LPGAT1: variants seen among roughly 807,000 people sequenced by gnomAD.
The protein encoded by LPGAT1 is lysophosphatidylglycerol acyltransferase 1, also known as acyl-CoA:lysophosphatidylglycerol acyltransferase 1.
In LPGAT1, 11 loss-of-function variants were observed where a neutral mutation model predicts 47.5. That is an observed-to-expected ratio of 0.23 (90% CI 0.15 to 0.38). The LOEUF is 0.38. Ranked by LOEUF, LPGAT1 falls within the 10% of genes least tolerant of loss-of-function variation. The pLI is 1.00. For missense variants in LPGAT1, 293 were observed against 439.0 expected (o/e 0.67, Z 2.97); for synonymous variants, 138 against 144.2 (o/e 0.96, Z 0.31).
At chr1:211,799,961 C>T (rs1305863764) in intron 2 of LPGAT1, among the ~76,000 whole-genome samples, 1 of 152,134 alleles carries the variant, frequency 6.6e-6, no homozygotes, top group Non-Finnish European at 1.5e-5. Context: ...TTCAATCCAT[C>T]TCTAAGTCCA....
intron 4 of LPGAT1, among the ~76,000 whole-genome samples, chr1:211,784,532 T>C (rs1658776804): frequency 6.6e-6 from 1 of 151,340 alleles, no homozygotes; most frequent in Non-Finnish European, 1.5e-5. Context: ...AATCTGCTGG[T>C]TCCTGTGACC....
chr1:211,825,689 G>C (rs1228089036), intron 2 of LPGAT1, among the ~76,000 whole-genome samples: 2 of 152,208 alleles, frequency 1.3e-5, no homozygotes, highest in African/African-American at 4.8e-5. Flanking sequence ...GGCCAGGGGC[G>C]ATGGCTCACG....
At chr1:211,798,348 C>T (rs1223280875) in intron 2 of LPGAT1, among the ~76,000 whole-genome samples, 1 of 152,048 alleles carries the variant, frequency 6.6e-6, no homozygotes, top group Admixed American at 6.6e-5. Flanking sequence ...ACTAAAAGAG[C>T]CCTATGCCTA....
At chr1:211,778,146 T>C (rs1658485491) in intron 6 of LPGAT1, among the ~76,000 whole-genome samples, 1 of 152,012 alleles carries the variant, frequency 6.6e-6, no homozygotes. Flanking sequence ...ATCGAGACCA[T>C]CCTGGCGAAC....
chr1:211,783,758 A>G (rs149879682), intron 4 of LPGAT1, among the ~76,000 whole-genome samples: 1 of 152,208 alleles, frequency 6.6e-6, no homozygotes, highest in Non-Finnish European at 1.5e-5. Flanking sequence ...GCAGTCATTC[A>G]TCAATTCAGT....
At chr1:211,754,301 G>A (rs1558253059) in intron 6 of LPGAT1, among the ~76,000 whole-genome samples, 1 of 152,326 alleles carries the variant, frequency 6.6e-6, no homozygotes, top group African/African-American at 2.4e-5. Context: ...TTCCACAGGT[G>A]CTGATGCTGC....
chr1:211,793,017 T>A, intron 3 of LPGAT1, 55 bp downstream of exon 3: 1 of 1,254,772 alleles, frequency 8.0e-7, no homozygotes. Context: ...GCCAAATGGA[T>A]TCCTTTTTAA....
At position 211,830,166 on chromosome 1, in the gene LPGAT1, CCG is replaced by C. The variant is rs1660682161; in HGVS notation, c.-28+405_-28+406del. 1.0e-6 allele frequency: 1 copy of C among 983,014 alleles called. No individual in the cohort carries two copies. Among genetic ancestry groups the C allele is most frequent in the African/African-American group, 1.8e-5 (1 of 56,922 alleles). The allele number at this position is 983,014 out of a possible 1,614,324, so 60.9% of individuals were successfully genotyped here. On this transcript the variant is annotated intron_variant, in intron 1 of 7. Transcript: ENST00000366997. The surrounding 1 kb of genome is among the most constrained non-coding windows in gnomAD (Gnocchi z 5.9). ...GAAGGGTCGTGGCGGCGGGCGCGGC[CCG>C]CGCGCCGGGCTCACCTCGGCGGGCG...
At chr1:211,820,539 C>CAAAAA (rs11371645) in intron 2 of LPGAT1, among the ~76,000 whole-genome samples, 1 of 124,524 alleles carries the variant, frequency 8.0e-6, no homozygotes, top group Non-Finnish European at 1.6e-5. Context: ...TAGAACTAAA[C>CAAAAA]AAAAAAAAAA....
intron 2 of LPGAT1, among the ~76,000 whole-genome samples, chr1:211,801,206 C>G (rs921179112): frequency 2.8e-4 from 42 of 152,294 alleles, no homozygotes; most frequent in African/African-American, 8.7e-4. Context: ...AAGTTACCCT[C>G]CTGATACTAG....
intron 3 of LPGAT1, among the ~76,000 whole-genome samples, chr1:211,788,485 C>T (rs924861183): frequency 3.3e-5 from 5 of 151,996 alleles, no homozygotes; most frequent in African/African-American, 1.2e-4. Context: ...GAGTTTAAGA[C>T]CAGCCTGGCC....
intron 2 of LPGAT1, among the ~76,000 whole-genome samples, chr1:211,828,325 T>C (rs777777705): frequency 2.0e-5 from 3 of 152,202 alleles, no homozygotes; most frequent in South Asian, 4.1e-4. Context: ...AGCAAGGGCA[T>C]AAGTTCTCAA....
At chr1:211,814,264 C>G (rs973658238) in intron 2 of LPGAT1, among the ~76,000 whole-genome samples, 2 of 152,144 alleles carry the variant, frequency 1.3e-5, no homozygotes, top group African/African-American at 4.8e-5. Context: ...AGTTAGGAAC[C>G]ACAACTACAG....
Position 211,744,440 on chromosome 1 carries a change from G to C in LPGAT1, c.*5459C>G, listed in dbSNP as rs997214831. On this transcript the variant is annotated 3_prime_UTR_variant, in exon 8 of 8. Coordinates refer to ENST00000366997, the MANE Select transcript of LPGAT1 (RefSeq NM_014873.3). ...TTAACAGTAGATCACGTATCAGATT[G>C]AATGATAATAAATTTATTGGGAAAT... is the stretch of plus-strand genomic sequence containing the variant. 8 of 152,146 alleles carry C rather than the reference G, an allele frequency of 5.3e-5. No individual in the cohort carries two copies. Among genetic ancestry groups the C allele is most frequent in the Admixed American group, 2.6e-4 (4 of 15,288 alleles). The allele number at this position is 152,146 out of a possible 1,614,324, so 9.4% of individuals were successfully genotyped here.
intron 2 of LPGAT1, among the ~76,000 whole-genome samples, chr1:211,819,586 C>A (rs1168692801): frequency 4.6e-5 from 7 of 152,158 alleles, no homozygotes; most frequent in Non-Finnish European, 1.0e-4. Context: ...GGCATACAAT[C>A]TATGCTGGGG....
intron 2 of LPGAT1, among the ~76,000 whole-genome samples, chr1:211,819,631 T>C (rs1660297084): frequency 6.6e-6 from 1 of 152,124 alleles, no homozygotes; most frequent in African/African-American, 2.4e-5. Context: ...CAGTGTGGCA[T>C]GTGATGAAGA....
chr1:211,771,094 A>G (rs1349197139), intron 6 of LPGAT1, among the ~76,000 whole-genome samples: 2 of 146,802 alleles, frequency 1.4e-5, no homozygotes, highest in Non-Finnish European at 3.0e-5. Flanking sequence ...GAGAGACACT[A>G]TCTCAAAAAA....
Position 211,794,153 on chromosome 1 carries a change from A to G in LPGAT1, c.239-963T>C, listed in dbSNP as rs564200908. On this transcript the variant is annotated intron_variant, in intron 2 of 7. Coordinates refer to ENST00000366997, the MANE Select transcript of LPGAT1 (RefSeq NM_014873.3). Reference sequence around the variant, plus strand: ...AGAAAACATTCAGACATAATAATGCATACTTTCACCTTAAAATAATAAAAC... The same window carrying G: ...AGAAAACATTCAGACATAATAATGCGTACTTTCACCTTAAAATAATAAAAC... Among the ~76,000 whole-genome samples, 3 of 152,370 alleles carry G rather than the reference A, an allele frequency of 2.0e-5. No individual in the cohort carries two copies. The South Asian group carries it at 6.2e-4, about 32-fold the overall frequency.
At chr1:211,768,038 T>G in intron 6 of LPGAT1, among the ~76,000 whole-genome samples, 1 of 152,340 alleles carries the variant, frequency 6.6e-6, no homozygotes, top group East Asian at 1.9e-4. Context: ...AATTTTATTT[T>G]ACTTTGTTCT....
Sources: gnomAD v4.1 joint callset for allele counts (sites outside exome capture counted in the v4.1 genomes callset) on GRCh38, gnomAD v4.1.1 for gene constraint, Gnocchi (gnomAD v3.1) non-coding constraint, MANE v1.5 for transcripts, NCBI Gene and HGNC (gene_info 2026-07-23, HGNC 2026-07-21) for gene names.